The following SV2C variants were observed in gnomAD, a reference collection of about 807,000 sequenced individuals.
SV2C encodes solute carrier family 22 member B3.
SV2C carries 49 observed loss-of-function variants against 79.7 expected under a neutral mutation model. That is an observed-to-expected ratio of 0.61 (90% CI 0.49 to 0.78). The LOEUF is 0.78. Ranked by LOEUF, SV2C falls within the 30% of genes least tolerant of loss-of-function variation. The probability of loss-of-function intolerance (pLI) is 0.00; values close to 1 mark genes in which losing one functional copy is unlikely to be tolerated. For missense variants in SV2C, 833 were observed against 912.9 expected, an observed-to-expected ratio of 0.91 and a Z score of 1.13; for synonymous variants, 334 against 333.2, an observed-to-expected ratio of 1.00 and a Z score of -0.03.
chr5:76,080,927 T>C (rs1340680018), upstream of SV2C, among the ~76,000 whole-genome samples: 1 of 152,194 alleles, frequency 6.6e-6, no homozygotes, highest in African/African-American at 2.4e-5. Context: ...GGCAGGACCC[T>C]AGAACCAGAA....
intron 4 of SV2C, among the ~76,000 whole-genome samples, chr5:76,278,872 A>G (rs1446831829): frequency 1.3e-5 from 2 of 152,236 alleles, no homozygotes; most frequent in Non-Finnish European, 2.9e-5. Flanking sequence ...TGGCTGCTAT[A>G]GGAAGAGTGG....
At chr5:75,874,989 A>G in the SV2C span, among the ~76,000 whole-genome samples, 1 of 152,168 alleles carries the variant, frequency 6.6e-6, no homozygotes, top group African/African-American at 2.4e-5. Context: ...TGCCCAAGCA[A>G]TTTACAGATT....
intron 4 of SV2C, among the ~76,000 whole-genome samples, chr5:76,218,801 G>A (rs920952570): frequency 1.4e-3 from 1 of 690 alleles, no homozygotes; most frequent in Non-Finnish European, 3.0e-3. Flanking sequence ...TTAAAGGATG[G>A]CATACAAAAA....
chr5:76,227,105 C>G (rs527279336), intron 4 of SV2C, among the ~76,000 whole-genome samples: 1 of 152,260 alleles, frequency 6.6e-6, no homozygotes, highest in Non-Finnish European at 1.5e-5. Flanking sequence ...GGCGATGACA[C>G]CTTACATGAG....
the SV2C span, among the ~76,000 whole-genome samples, chr5:75,963,987 T>G: frequency 6.6e-6 from 1 of 152,192 alleles, no homozygotes; most frequent in Non-Finnish European, 1.5e-5. Context: ...TTATTCTTTT[T>G]CTTTTTCATA....
intron 12 of SV2C, among the ~76,000 whole-genome samples, chr5:76,312,587 T>A (rs1003877409): frequency 6.6e-6 from 1 of 152,064 alleles, no homozygotes; most frequent in African/African-American, 2.4e-5. Flanking sequence ...TCCGTGGCGC[T>A]CGGGGCCAGG....
chr5:75,959,263 GAGA>G, the SV2C span, among the ~76,000 whole-genome samples: 2 of 152,014 alleles, frequency 1.3e-5, no homozygotes, highest in South Asian at 4.1e-4. Flanking sequence ...ACTGTCCTAG[GAGA>G]AGATCTGCTC....
chr5:76,028,051 C>T, the SV2C span, among the ~76,000 whole-genome samples: 1 of 152,184 alleles, frequency 6.6e-6, no homozygotes, highest in Non-Finnish European at 1.5e-5. Context: ...CTCTTTGATA[C>T]TCTATCCTGC....
At chr5:76,074,272 A>G in the SV2C span, among the ~76,000 whole-genome samples, 4 of 152,158 alleles carry the variant, frequency 2.6e-5, no homozygotes, top group Non-Finnish European at 4.4e-5. Context: ...GGACCCCACA[A>G]TGCTGTGTGA....
chr5:76,309,625 A>AC (rs1561310616), intron 12 of SV2C, among the ~76,000 whole-genome samples: 1 of 136,908 alleles, frequency 7.3e-6, no homozygotes, highest in African/African-American at 2.8e-5. Flanking sequence ...AAAAAAAAAA[A>AC]CAGAAAGAAA....
intron 4 of SV2C, among the ~76,000 whole-genome samples, chr5:76,268,004 C>G (rs1308792863): frequency 6.6e-6 from 1 of 152,186 alleles, no homozygotes; most frequent in Non-Finnish European, 1.5e-5. Flanking sequence ...TTTCTAGTAA[C>G]AGAGGAGGGG....
the SV2C span, among the ~76,000 whole-genome samples, chr5:75,922,389 T>C: frequency 2.0e-5 from 3 of 152,104 alleles, no homozygotes; most frequent in African/African-American, 7.2e-5. Flanking sequence ...TTAATAAAAT[T>C]AAATAAAAAA....
the SV2C span, among the ~76,000 whole-genome samples, chr5:76,014,920 G>C: frequency 2.8e-4 from 43 of 152,290 alleles, no homozygotes; most frequent in Admixed American, 2.4e-3. Context: ...AACTTATATA[G>C]TTACAGCCTA....
the SV2C span, among the ~76,000 whole-genome samples, chr5:76,063,989 AT>A: frequency 6.6e-6 from 1 of 152,194 alleles, no homozygotes; most frequent in Non-Finnish European, 1.5e-5. Flanking sequence ...TACAAAAACG[AT>A]TTTTTAAAAA....
chr5:76,291,984 CT>C, intron 8 of SV2C, 128 bp downstream of exon 8: 1 of 637,086 alleles, frequency 1.6e-6, no homozygotes, highest in Non-Finnish European at 2.7e-6. Context: ...TTTTTTTCAG[CT>C]TAGGTTTGCT....
chr5:76,217,613 T>C (rs1458254307), intron 4 of SV2C, among the ~76,000 whole-genome samples: 1 of 152,094 alleles, frequency 6.6e-6, no homozygotes, highest in Non-Finnish European at 1.5e-5. Flanking sequence ...AAATGGTAGC[T>C]CTTGTTGCTA....
At chr5:76,018,674 G>A in the SV2C span, among the ~76,000 whole-genome samples, 2 of 152,084 alleles carry the variant, frequency 1.3e-5, no homozygotes, top group Non-Finnish European at 1.5e-5. Context: ...CCTAAATGCC[G>A]CTATTTTAAT....
chr5:76,349,341 T>C (rs1219545573), intron 12 of SV2C, among the ~76,000 whole-genome samples: 3 of 152,036 alleles, frequency 2.0e-5, no homozygotes, highest in Admixed American at 6.6e-5. Flanking sequence ...GCAAAATCCC[T>C]GTCTCTACTA....
chr5:76,147,650 A>G (rs1749478140), intron 2 of SV2C, among the ~76,000 whole-genome samples: 1 of 152,218 alleles, frequency 6.6e-6, no homozygotes, highest in Non-Finnish European at 1.5e-5. Context: ...GAGGGGAACA[A>G]GTATGCAACC....
Sources: gnomAD v4.1 joint callset for allele counts (sites outside exome capture counted in the v4.1 genomes callset) on GRCh38, gnomAD v4.1.1 for gene constraint, MANE v1.5 for transcripts, NCBI Gene and HGNC (gene_info 2026-07-23, HGNC 2026-07-21) for gene names.